Variants in TTLL11 observed in about 807,000 individuals in gnomAD.
TTLL11 encodes tubulin polyglutamylase TTLL11.
TTLL11 carries 42 observed loss-of-function variants against 51.7 expected under a neutral mutation model. The observed-to-expected ratio is 0.81, with a 90% CI of 0.64 to 1.05. TTLL11 has a LOEUF of 1.05. TTLL11 is among the 50% of genes least tolerant of loss of function. The pLI is 0.00. For missense variants in TTLL11, 799 were observed against 940.4 expected (o/e 0.85, Z 1.97); for synonymous variants, 381 against 383.5 (o/e 0.99, Z 0.08).
At position 121,890,240 on chromosome 9, in the gene TTLL11, G is replaced by A. The variant is rs1255313551; in HGVS notation, c.1482-19492C>T. On this transcript the variant is annotated intron_variant, in intron 6 of 8. Transcript: ENST00000321582. The surrounding 1 kb of genome is among the most constrained non-coding windows in gnomAD (Gnocchi z 4.3). Reference sequence around the variant, plus strand: ...TCTGGGCCAGAAACCAGAGAGAAGAGATTCATTCTCCCTCTCCCCTCACAA... The same window carrying A: ...TCTGGGCCAGAAACCAGAGAGAAGAAATTCATTCTCCCTCTCCCCTCACAA... 1.3e-5 allele frequency among the ~76,000 whole-genome samples: 2 copies of A among 152,136 alleles called. No individual in the cohort carries two copies. The highest frequency in any genetic ancestry group is 2.4e-5 in the African/African-American group (1 of 41,428).
rs978781850 is a variant in TTLL11 at position 121,960,964 on chromosome 9, G to T, written c.1481+13045C>A. Among the ~76,000 whole-genome samples the T allele has an allele frequency of 2.6e-5, 4 of 152,188 alleles. No homozygotes were observed. In the South Asian group the frequency reaches 8.3e-4, roughly 32 times the overall value. ...AGCCTCTGTGATGAGGGTTGCAAAG[G>T]GCTCTTCAGCTGCTTAAAGTGAAGG... is the stretch of plus-strand genomic sequence containing the variant. On this transcript the variant is annotated intron_variant, in intron 6 of 8. Coordinates refer to ENST00000321582, the MANE Select transcript of TTLL11 (RefSeq NM_001139442.2).
At chr9:122,041,115 C>G (rs1227836499) in intron 1 of TTLL11, among the ~76,000 whole-genome samples, 2 of 152,128 alleles carry the variant, frequency 1.3e-5, no homozygotes, top group African/African-American at 4.8e-5. Flanking sequence ...ACCAAATTGC[C>G]CCCCCTTTTA....
intron 6 of TTLL11, among the ~76,000 whole-genome samples, chr9:121,888,017 C>T (rs1839078819): frequency 6.6e-6 from 1 of 152,182 alleles, no homozygotes; most frequent in African/African-American, 2.4e-5. Context: ...CTCTTAAACC[C>T]TCTTTGCTCA....
At chr9:121,962,956 C>T (rs930362769) in intron 6 of TTLL11, among the ~76,000 whole-genome samples, 10 of 152,220 alleles carry the variant, frequency 6.6e-5, no homozygotes, top group Admixed American at 2.6e-4. Flanking sequence ...GGAATGCTAA[C>T]GCCTTGCAGG....
chr9:121,989,533 C>T lies in TTLL11; in HGVS notation c.931G>A (p.Glu311Lys). ...YVLLKSLDPL[E>K]IYIAKDGLSR... Reference sequence around the variant, plus strand: ...AGTCCGTCTTTGGCTATATAAATCTCTAAGGGGTCTAAGGACTTGAGTAAG... The same window carrying T: ...AGTCCGTCTTTGGCTATATAAATCTTTAAGGGGTCTAAGGACTTGAGTAAG... Residue 311 changes from glutamate to lysine, a missense_variant, in exon 4 of 9, where the codon GAG becomes AAG. By Grantham distance (56) the Glu-to-Lys change is moderately conservative. This residue lies in a region of TTLL11 where 468 missense variants were observed against 612.8 expected (regional missense o/e 0.76). Coordinates refer to ENST00000321582, the MANE Select transcript of TTLL11 (RefSeq NM_001139442.2). The surrounding 1 kb of genome is among the most constrained non-coding windows in gnomAD (Gnocchi z 4.2). The T allele has an allele frequency of 1.2e-6, 2 of 1,614,096 alleles. No homozygotes were observed. The highest frequency in any genetic ancestry group is 1.3e-5 in the African/African-American group (1 of 74,984).
intron 6 of TTLL11, among the ~76,000 whole-genome samples, chr9:121,939,063 A>G (rs1257750267): frequency 6.6e-6 from 1 of 152,242 alleles, no homozygotes; most frequent in Non-Finnish European, 1.5e-5. Flanking sequence ...ACACATGTGA[A>G]TGAGAGACAC....
At chr9:121,828,065 A>T (rs1186008968) in intron 8 of TTLL11, among the ~76,000 whole-genome samples, 1 of 152,176 alleles carries the variant, frequency 6.6e-6, no homozygotes, top group Non-Finnish European at 1.5e-5. Context: ...CATAGAGCCC[A>T]TGCATGGCCT....
chr9:122,077,833 C>CA (rs11286316), intron 1 of TTLL11, among the ~76,000 whole-genome samples: 5,204 of 99,102 alleles, frequency 0.053, 140 homozygotes, highest in East Asian at 0.1. Flanking sequence ...CAAAAACCTG[C>CA]AAAAAAAAAA....
At chr9:121,955,634 C>T (rs564907244) in intron 6 of TTLL11, among the ~76,000 whole-genome samples, 1 of 152,174 alleles carries the variant, frequency 6.6e-6, no homozygotes, top group Admixed American at 6.5e-5. Context: ...GAGTCAAACC[C>T]AGGCCCACTG....
intron 3 of TTLL11, among the ~76,000 whole-genome samples, chr9:122,018,683 T>C (rs1012325459): frequency 6.6e-6 from 1 of 152,210 alleles, no homozygotes; most frequent in African/African-American, 2.4e-5. Context: ...AAATGACTAC[T>C]GTGGGGTTTT....
chr9:121,988,991 G>A, intron 4 of TTLL11: 5 of 1,260,036 alleles, frequency 4.0e-6, no homozygotes, highest in Non-Finnish European at 5.4e-6. Context: ...GTAACAGAGG[G>A]GAAGTAGCTT....
chr9:122,082,117 T>G (rs990007267), intron 1 of TTLL11, among the ~76,000 whole-genome samples: 1 of 152,220 alleles, frequency 6.6e-6, no homozygotes, highest in Admixed American at 6.5e-5. Flanking sequence ...GGCAATTTGA[T>G]AGTAACAATC....
At chr9:121,842,485 G>T (rs1837388009) in intron 8 of TTLL11, among the ~76,000 whole-genome samples, 1 of 150,736 alleles carries the variant, frequency 6.6e-6, no homozygotes, top group Non-Finnish European at 1.5e-5. Flanking sequence ...TTCCCAGGCT[G>T]GTCACAAACT....
intron 6 of TTLL11, chr9:121,963,769 G>A (rs569016003): frequency 3.9e-5 from 6 of 152,288 alleles, no homozygotes; most frequent in African/African-American, 1.4e-4. Flanking sequence ...ATGCTTAAAC[G>A]TTTTCAACGG....
chr9:121,976,169 T>G (rs1355649111), intron 4 of TTLL11, among the ~76,000 whole-genome samples: 6 of 152,200 alleles, frequency 3.9e-5, no homozygotes, highest in Non-Finnish European at 7.3e-5. Flanking sequence ...GGGCCCTGTG[T>G]GACACCCCTG....
At chr9:121,941,232 G>T (rs1335305005) in intron 6 of TTLL11, among the ~76,000 whole-genome samples, 1 of 152,222 alleles carries the variant, frequency 6.6e-6, no homozygotes, top group African/African-American at 2.4e-5. Flanking sequence ...TCACCAAAGT[G>T]AGCCCTGAGT....
intron 1 of TTLL11, among the ~76,000 whole-genome samples, chr9:122,059,532 C>G (rs1356473794): frequency 6.6e-6 from 1 of 152,168 alleles, no homozygotes; most frequent in Non-Finnish European, 1.5e-5. Context: ...AGATGCAGCT[C>G]TAGCCCTAGA....
intron 6 of TTLL11, among the ~76,000 whole-genome samples, chr9:121,888,990 A>C (rs191328019): frequency 6.6e-6 from 1 of 152,346 alleles, no homozygotes; most frequent in Admixed American, 6.5e-5. Context: ...CATAGCTCCC[A>C]AATGCTAGAG....
chr9:121,882,166 G>A lies in TTLL11; in HGVS notation c.1482-11418C>T, dbSNP rs10116982. Among the ~76,000 whole-genome samples, 1,451 of 152,286 alleles carry A rather than the reference G, an allele frequency of 9.5e-3. 28 individuals carry two copies. Among genetic ancestry groups the A allele is most frequent in the African/African-American group, 0.033 (1,375 of 41,552 alleles). ...GGTTAAACACAACACTCAAAGTCAC[G>A]TGCCTCCTAAACAGTATCAACTGGT... is the stretch of plus-strand genomic sequence containing the variant. On this transcript the variant is annotated intron_variant, in intron 6 of 8. Coordinates refer to ENST00000321582, the MANE Select transcript of TTLL11 (RefSeq NM_001139442.2).
Sources: allele counts gnomAD v4.1 joint callset (sites outside exome capture counted in the v4.1 genomes callset), GRCh38; gene constraint gnomAD v4.1.1; regional missense constraint gnomAD v4.1.1; non-coding constraint Gnocchi (gnomAD v3.1); transcripts MANE v1.5; gene names NCBI Gene and HGNC (gene_info 2026-07-23, HGNC 2026-07-21).